RGS6: variants seen among roughly 807,000 people sequenced by gnomAD.
RGS6 encodes regulator of G protein signaling 6.
RGS6 carries 30 observed loss-of-function variants against 78.5 expected under a neutral mutation model. The observed-to-expected ratio is 0.38, with a 90% CI of 0.29 to 0.52. The LOEUF (loss-of-function observed/expected upper bound fraction) is 0.52. Among genes scored for constraint, RGS6 ranks in the 20% least tolerant of loss-of-function variants. RGS6 has a pLI of 0.85. For synonymous variants in RGS6, 206 were observed against 206.0 expected (o/e 1.00, Z 0.00); for missense variants, 495 against 609.7 (o/e 0.81, Z 1.98).
chr14:72,021,771 C>CT (rs35520827), intron 2 of RGS6, among the ~76,000 whole-genome samples: 11,474 of 148,636 alleles, frequency 0.077, 469 homozygotes, highest in East Asian at 0.19. Flanking sequence ...TGCGCCTGGC[C>CT]TTTTTTTTTT....
At position 71,971,906 on chromosome 14, in the gene RGS6, GTTTTTTTTTT is replaced by G. The variant is rs57854685; in HGVS notation, c.84+7050_84+7059del. ...CATATCGCAGCTCATAATATGGCAG[GTTTTTTTTTT>G]TTTTTTTTTTTTTTTTTTATCAGAG... On this transcript the variant is annotated intron_variant, in intron 2 of 17. Coordinates refer to ENST00000553525, the MANE Select transcript of RGS6 (RefSeq NM_001204424.2). Among the ~76,000 whole-genome samples the G allele has an allele frequency of 2.0e-4, 21 of 104,440 alleles. 1 individual carries two copies. The highest frequency in any genetic ancestry group is 6.8e-4 in the African/African-American group (18 of 26,546). The allele number at this position is 104,440 out of a possible 152,430, so 68.5% of individuals were successfully genotyped here.
chr14:72,536,989 T>A (rs1003034353), intron 16 of RGS6, among the ~76,000 whole-genome samples: 1 of 151,928 alleles, frequency 6.6e-6, no homozygotes, highest in African/African-American at 2.4e-5. Context: ...CAGGAATAAA[T>A]TCAGCTAGAT....
chr14:72,612,635 G>A, the RGS6 span: 1 of 518,604 alleles, frequency 1.9e-6, no homozygotes. Context: ...TCTCAGTGGG[G>A]AGTAGACATG....
chr14:72,284,590 T>C (rs1229997111), intron 2 of RGS6, among the ~76,000 whole-genome samples: 1 of 152,218 alleles, frequency 6.6e-6, no homozygotes. Context: ...GCAGAAGCTT[T>C]CTGTAGGGGT....
At chr14:72,485,152 A>G (rs1036676562) in intron 12 of RGS6, among the ~76,000 whole-genome samples, 2 of 152,142 alleles carry the variant, frequency 1.3e-5, no homozygotes, top group African/African-American at 4.8e-5. Flanking sequence ...GTCAGGGATA[A>G]AGGGACAAGA....
chr14:72,492,202 T>C (rs933912361), intron 12 of RGS6, among the ~76,000 whole-genome samples: 7 of 152,196 alleles, frequency 4.6e-5, no homozygotes, highest in Admixed American at 6.5e-5. Context: ...CAGTTTCACA[T>C]GACACAGAAG....
At chr14:72,000,472 G>T (rs1414641699) in intron 2 of RGS6, among the ~76,000 whole-genome samples, 1 of 152,182 alleles carries the variant, frequency 6.6e-6, no homozygotes, top group Non-Finnish European at 1.5e-5. Context: ...GGAAATGTTG[G>T]CTTCATCTTC....
At chr14:72,039,409 T>G (rs2092136426) in intron 2 of RGS6, among the ~76,000 whole-genome samples, 1 of 152,194 alleles carries the variant, frequency 6.6e-6, no homozygotes, top group Admixed American at 6.6e-5. Flanking sequence ...TTATTGTATC[T>G]TCCCTATGAA....
At chr14:72,427,379 G>A (rs2094471460) in intron 3 of RGS6, among the ~76,000 whole-genome samples, 1 of 152,130 alleles carries the variant, frequency 6.6e-6, no homozygotes, top group Non-Finnish European at 1.5e-5. Context: ...CGCTGTTGTA[G>A]GTATCCACTG....
At chr14:71,895,996 G>A in the RGS6 span, among the ~76,000 whole-genome samples, 4 of 152,086 alleles carry the variant, frequency 2.6e-5, no homozygotes, top group South Asian at 6.2e-4. Context: ...AAGCTGGAAG[G>A]CCAGGGAGCC....
the RGS6 span, among the ~76,000 whole-genome samples, chr14:72,591,192 A>G: frequency 5.3e-5 from 8 of 152,350 alleles, no homozygotes; most frequent in African/African-American, 1.9e-4. Flanking sequence ...TTATTTTTAT[A>G]AACACGAAAA....
chr14:72,031,556 A>G (rs886221998), intron 2 of RGS6, among the ~76,000 whole-genome samples: 2 of 152,238 alleles, frequency 1.3e-5, no homozygotes, highest in African/African-American at 2.4e-5. Context: ...GTAGATCAAC[A>G]GGAAACTGCT....
the RGS6 span, among the ~76,000 whole-genome samples, chr14:72,582,931 A>G: frequency 0.34 from 51,931 of 150,962 alleles, 10,097 homozygotes; most frequent in Non-Finnish European, 0.43. Context: ...TGGCATTTGA[A>G]TGAGTGGACT....
chr14:71,872,692 A>C, the RGS6 span, among the ~76,000 whole-genome samples: 1 of 152,054 alleles, frequency 6.6e-6, no homozygotes, highest in East Asian at 1.9e-4. Flanking sequence ...TGTGCACAAC[A>C]TGCAGGTTTG....
rs114548069 is a variant in RGS6, at chr14:72,060,494, G to A, written c.84+95619G>A. Among the ~76,000 whole-genome samples, 571 of 150,998 alleles carry A rather than the reference G, an allele frequency of 3.8e-3. 1 individual carries two copies. Among genetic ancestry groups the A allele is most frequent in the African/African-American group, 0.013 (554 of 41,054 alleles). ...TCTTATGATGGGTACTTAGTCTACCGTATACAAATTTCTGTATAGTTACCA... is the reference window on the plus strand; with the variant it reads ...TCTTATGATGGGTACTTAGTCTACCATATACAAATTTCTGTATAGTTACCA... On this transcript the variant is annotated intron_variant, in intron 2 of 17. Transcript: ENST00000553525.
At chr14:71,954,424 T>A (rs997004757) in intron 1 of RGS6, among the ~76,000 whole-genome samples, 6 of 151,700 alleles carry the variant, frequency 4.0e-5, no homozygotes, top group African/African-American at 1.5e-4. Context: ...GCTCATGGAG[T>A]CTTAAAAAAT....
chr14:72,300,734 G>A (rs1253965016), intron 2 of RGS6, among the ~76,000 whole-genome samples: 2 of 152,226 alleles, frequency 1.3e-5, no homozygotes, highest in Non-Finnish European at 2.9e-5. Context: ...CATGCGGAAT[G>A]TCCATGTGCC....
intron 2 of RGS6, among the ~76,000 whole-genome samples, chr14:72,186,521 C>T (rs555708150): frequency 7.2e-5 from 11 of 152,280 alleles, no homozygotes; most frequent in South Asian, 2.1e-4. Context: ...ACAAGAACTT[C>T]GGTCTAATTG....
chr14:72,566,654 CA>C (rs2097712630), downstream of RGS6: 1 of 142,128 alleles, frequency 7.0e-6, no homozygotes, highest in South Asian at 2.3e-4. Context: ...CACACACACA[CA>C]CACACACACA....
Sources: gnomAD v4.1 joint callset for allele counts (sites outside exome capture counted in the v4.1 genomes callset) on GRCh38, gnomAD v4.1.1 for gene constraint, MANE v1.5 for transcripts, NCBI Gene and HGNC (gene_info 2026-07-23, HGNC 2026-07-21) for gene names.